HS1BP3: variants seen among roughly 807,000 people sequenced by gnomAD.
HS1BP3 encodes the protein HCLS1 binding protein 3, also known as HCLS1-binding protein 3.
HS1BP3 carries 32 observed loss-of-function variants against 33.5 expected under a neutral mutation model. The observed-to-expected ratio is 0.95, with a 90% CI of 0.72 to 1.28. HS1BP3 has a LOEUF of 1.28. HS1BP3 is among the 50% of genes most tolerant of loss of function. HS1BP3 has a pLI of 0.00. For synonymous variants in HS1BP3, 187 were observed against 209.2 expected, an observed-to-expected ratio of 0.89 and a Z score of 0.92; for missense variants, 486 against 502.3, an observed-to-expected ratio of 0.97 and a Z score of 0.31.
At position 20,564,412 on chromosome 2, in the gene HS1BP3, G is replaced by A. The variant is rs184173774; in HGVS notation, c.303-3897C>T. On this transcript the variant is annotated intron_variant, in intron 5 of 5. Transcript: ENST00000446825. ...CTGGTGACCAGCCAGTTCCTTCTGT[G>A]ATCTCTTCTTTACTCCTTGTCACTT... 2.3e-3 allele frequency among the ~76,000 whole-genome samples: 352 copies of A among 152,332 alleles called. 1 individual carries two copies. Among genetic ancestry groups the A allele is most frequent in the Non-Finnish European group, 4.1e-3 (280 of 68,022 alleles).
Position 20,584,462 on chromosome 2 carries a change from T to C in HS1BP3, c.303-23947A>G, listed in dbSNP as rs374270187. Among the ~76,000 whole-genome samples, 20 of 152,310 alleles carry C rather than the reference T, an allele frequency of 1.3e-4. No individual in the cohort carries two copies. In the East Asian group the frequency reaches 2.7e-3, roughly 21 times the overall value. ...GAACCTGCACATGGAATGGGGGCCA[T>C]TGTGCACCACTTCTGCCCCTGCACC... is the stretch of plus-strand genomic sequence containing the variant. On this transcript the variant is annotated intron_variant, in intron 5 of 5. Transcript: ENST00000446825.
At chr2:20,556,794 C>G (rs954748744), downstream of HS1BP3, among the ~76,000 whole-genome samples, 1 of 152,344 alleles carries the variant, frequency 6.6e-6, no homozygotes. Context: ...TCAGTTTGTT[C>G]TTTTTCCTGG....
chr2:20,606,645 T>C (rs1207873978), intron 2 of HS1BP3: 4 of 451,670 alleles, frequency 8.9e-6, no homozygotes, highest in Admixed American at 7.2e-5. Context: ...TTCTTGTCCT[T>C]GGGTGGCATT....
chr2:20,631,520 A>C (rs1196873475), intron 4 of HS1BP3, among the ~76,000 whole-genome samples: 118 of 48,226 alleles, frequency 2.4e-3, no homozygotes, highest in Non-Finnish European at 3.6e-3. Context: ...CTGTCTCAAA[A>C]AAAAAAAAAA....
chr2:20,591,533 C>T, downstream of HS1BP3, among the ~76,000 whole-genome samples: 1 of 152,220 alleles, frequency 6.6e-6, no homozygotes. Context: ...ATGCACATTG[C>T]TGACAGTTTC....
At chr2:20,575,582 C>T (rs933088165) in intron 5 of HS1BP3, among the ~76,000 whole-genome samples, 18 of 152,238 alleles carry the variant, frequency 1.2e-4, no homozygotes, top group Admixed American at 2.0e-4. Context: ...CTGGAGGCCC[C>T]GCCACATGCC....
downstream of HS1BP3, among the ~76,000 whole-genome samples, chr2:20,616,267 T>TG (rs1187809380): frequency 6.6e-6 from 1 of 152,020 alleles, no homozygotes; most frequent in Non-Finnish European, 1.5e-5. Context: ...ACCAAAATCT[T>TG]GGGGGGGATA....
At chr2:20,616,632 C>T (rs564819998), downstream of HS1BP3, among the ~76,000 whole-genome samples, 1 of 152,308 alleles carries the variant, frequency 6.6e-6, no homozygotes, top group East Asian at 1.9e-4. Flanking sequence ...GACTCTATGC[C>T]TCCTCTGCCT....
chr2:20,651,067 G>C lies in HS1BP3; in HGVS notation c.-4C>G. On this transcript the variant is annotated 5_prime_UTR_variant, in exon 1 of 7. Coordinates refer to ENST00000304031, the MANE Select transcript of HS1BP3 (RefSeq NM_022460.4). ...CGAGCACCGCCGGGGACTGCATGAC[G>C]GCGGCGGGGACTCCGGGCGGGGCGC... 3 of 1,233,796 alleles carry C rather than the reference G, an allele frequency of 2.4e-6. No individual in the cohort carries two copies. Among genetic ancestry groups the C allele is most frequent in the Non-Finnish European group, 3.0e-6 (3 of 988,910 alleles). The allele number at this position is 1,233,796 out of a possible 1,614,324, so 76.4% of individuals were successfully genotyped here.
intron 5 of HS1BP3, among the ~76,000 whole-genome samples, chr2:20,563,338 GT>G (rs773869109): frequency 5.3e-5 from 8 of 152,260 alleles, no homozygotes. Context: ...TTGGTTCCCA[GT>G]GCAGGCCACT....
At chr2:20,558,791 C>T (rs1692902568), downstream of HS1BP3, among the ~76,000 whole-genome samples, 1 of 152,170 alleles carries the variant, frequency 6.6e-6, no homozygotes, top group African/African-American at 2.4e-5. Flanking sequence ...GCCCTCCAAG[C>T]CTGTGGGAGG....
At position 20,611,245 on chromosome 2, in the gene HS1BP3, T is replaced by C. The variant is rs1015558181; in HGVS notation, c.178+12651A>G. ...GTTTCCTTTGGGGGAGGAACCCTTA[T>C]GAATAATGTTGCTGTGAACATTCGT... On this transcript the variant is annotated intron_variant, in intron 2 of 3. Transcript: ENST00000415264. The surrounding 1 kb of genome is among the most constrained non-coding windows in gnomAD (Gnocchi z 4.9). Among the ~76,000 whole-genome samples the C allele has an allele frequency of 3.9e-5, 6 of 152,240 alleles. No homozygotes were observed. The highest frequency in any genetic ancestry group is 1.4e-4 in the African/African-American group (6 of 41,460).
intron 2 of HS1BP3, among the ~76,000 whole-genome samples, chr2:20,604,968 C>T (rs1014710383): frequency 2.0e-5 from 3 of 152,202 alleles, no homozygotes; most frequent in African/African-American, 7.2e-5. Context: ...ATTTAAAGTC[C>T]CACGGGAGAA....
chr2:20,620,646 G>A (rs1368027535), intron 6 of HS1BP3, among the ~76,000 whole-genome samples: 2 of 152,196 alleles, frequency 1.3e-5, no homozygotes, highest in African/African-American at 2.4e-5. Context: ...GGCAGCCTCA[G>A]GCCACTCCTC....
rs1270866621 is a variant in HS1BP3, at chr2:20,624,109, C to G, written c.785-78G>C. On this transcript the variant is annotated intron_variant, in intron 5 of 6. Transcript: ENST00000304031. ...CATGGCTGCTCTCTCTCTGCCCCAC[C>G]CCAGGAAGTCTTCTGGGCAGTCCTA... is the stretch of plus-strand genomic sequence containing the variant. The G allele has an allele frequency of 2.0e-6, 3 of 1,520,540 alleles. No individual in the cohort carries two copies. In the East Asian group the frequency reaches 7.0e-5, roughly 35 times the overall value. 94.2% of individuals were successfully genotyped at this position (1,520,540 alleles called of 1,614,324 possible).
chr2:20,622,656 A>G, intron 6 of HS1BP3: 1 of 242,690 alleles, frequency 4.1e-6, no homozygotes, highest in Non-Finnish European at 8.5e-6. Flanking sequence ...TAGGCCAGAA[A>G]GGTCCCACGA....
At chr2:20,634,656 G>A (rs1428448183) in intron 4 of HS1BP3, 2 of 152,244 alleles carry the variant, frequency 1.3e-5, no homozygotes, top group Non-Finnish European at 2.9e-5. Context: ...TAGCAAATCT[G>A]GGAGCACCTG....
intron 2 of HS1BP3, among the ~76,000 whole-genome samples, chr2:20,602,157 G>C (rs1694084906): frequency 6.7e-6 from 1 of 150,284 alleles, no homozygotes; most frequent in Admixed American, 6.6e-5. Flanking sequence ...AAGAGAGCAA[G>C]ACCTGCTCTC....
chr2:20,590,396 G>A (rs2149278780), downstream of HS1BP3, among the ~76,000 whole-genome samples: 1 of 152,280 alleles, frequency 6.6e-6, no homozygotes, highest in East Asian at 1.9e-4. Context: ...TTCTATCACA[G>A]ACTATCACAG....
Sources: gnomAD v4.1 joint callset for allele counts (sites outside exome capture counted in the v4.1 genomes callset) on GRCh38, gnomAD v4.1.1 for gene constraint, Gnocchi (gnomAD v3.1) non-coding constraint, MANE v1.5 for transcripts, NCBI Gene and HGNC (gene_info 2026-07-23, HGNC 2026-07-21) for gene names.